WASHC2A: variants seen among roughly 807,000 people sequenced by gnomAD.
The protein encoded by WASHC2A is WASH complex subunit FAM21A.
In WASHC2A, 82 loss-of-function variants were observed where a neutral mutation model predicts 140.3. The ratio of observed to expected loss-of-function variants is 0.58; its 90% CI spans 0.49 to 0.70. The LOEUF (loss-of-function observed/expected upper bound fraction) is 0.70. Ranked by LOEUF, WASHC2A falls within the 30% of genes least tolerant of loss-of-function variation. The probability of loss-of-function intolerance (pLI) is 0.00; values close to 1 mark genes in which losing one functional copy is unlikely to be tolerated. For synonymous variants in WASHC2A, 340 were observed against 560.8 expected (o/e 0.61, Z 5.56); for missense variants, 985 against 1,521.8 (o/e 0.65, Z 5.87).
chr10:50,126,465 A>T (rs1843439363), intron 26 of WASHC2A: 1 of 264,274 alleles, frequency 3.8e-6, no homozygotes, highest in Admixed American at 4.9e-5. Flanking sequence ...TCTTCCCACT[A>T]AAGAATTTAT....
At position 50,133,119 on chromosome 10, in the gene WASHC2A, A is replaced by G; in HGVS notation, c.*174A>G. ...CACTGGTTTAATCATGCTTAATACT[A>G]CAAAACAAAAATAAATATTTCACAG... On this transcript the variant is annotated 3_prime_UTR_variant, in exon 31 of 31. Coordinates refer to ENST00000282633, the MANE Select transcript of WASHC2A (RefSeq NM_001005751.3). 9.3e-7 allele frequency: 1 copy of G among 1,075,870 alleles called. No individual in the cohort carries two copies. The highest frequency in any genetic ancestry group is 1.3e-6 in the Non-Finnish European group (1 of 751,054). 66.6% of individuals were successfully genotyped at this position (1,075,870 alleles called of 1,614,324 possible).
chr10:50,104,328 C>G (rs1841534163), intron 18 of WASHC2A, among the ~76,000 whole-genome samples, 185 bp downstream of exon 18: 1 of 149,094 alleles, frequency 6.7e-6, no homozygotes, highest in South Asian at 2.1e-4. Flanking sequence ...ATTTTCCTAG[C>G]TGTGCAATGG....
intron 23 of WASHC2A, among the ~76,000 whole-genome samples, chr10:50,121,395 C>CT (rs879039985): frequency 3.9e-4 from 52 of 132,532 alleles, no homozygotes; most frequent in East Asian, 6.7e-4. Flanking sequence ...TAGTAACTTT[C>CT]TTTTTTTTTT....
At chr10:50,089,785 G>C (rs1441295136) in intron 8 of WASHC2A, among the ~76,000 whole-genome samples, 37 of 152,072 alleles carry the variant, frequency 2.4e-4, no homozygotes, top group African/African-American at 8.0e-4. Flanking sequence ...TGCTGATGAT[G>C]TTTATATTTC....
chr10:50,126,716 C>T (rs1370424244), intron 26 of WASHC2A, among the ~76,000 whole-genome samples: 4 of 151,608 alleles, frequency 2.6e-5, no homozygotes, highest in Non-Finnish European at 5.9e-5. Flanking sequence ...TGTCCTGAGC[C>T]GTAAACCTGA....
intron 3 of WASHC2A, among the ~76,000 whole-genome samples, chr10:50,072,519 C>T (rs1438063483): frequency 2.6e-5 from 3 of 116,376 alleles, no homozygotes; most frequent in East Asian, 6.0e-4. Flanking sequence ...CGGAGTCTCA[C>T]TCTGTCGCCC....
chr10:50,073,560 C>T (rs1554876911), intron 3 of WASHC2A, among the ~76,000 whole-genome samples: 1 of 116,302 alleles, frequency 8.6e-6, no homozygotes, highest in Non-Finnish European at 1.8e-5. Flanking sequence ...GTCAAGTACT[C>T]AGCAATTAGA....
chr10:50,102,782 T>G (rs1841338921), intron 17 of WASHC2A, among the ~76,000 whole-genome samples: 1 of 150,746 alleles, frequency 6.6e-6, no homozygotes, highest in African/African-American at 2.5e-5. Context: ...ATTTTATGTT[T>G]CTACTTCATG....
In WASHC2A at chr10:50,088,324, G is replaced by GGTGTGATCTCAGCTCA. The variant is rs1361158737; in HGVS notation, c.732+1003_732+1018dup. On this transcript the variant is annotated intron_variant, in intron 8 of 30. Transcript: ENST00000282633. ...TCTGTTGCCTAGGCTGGAGTGCAGT[G>GGTGTGATCTCAGCTCA]GTGTGATCTCAGCTCAATGTAATCT... Among the ~76,000 whole-genome samples the GGTGTGATCTCAGCTCA allele has an allele frequency of 8.0e-4, 117 of 145,396 alleles. 4 individuals carry two copies. The East Asian group carries it at 0.022, about 27-fold the overall frequency.
chr10:50,099,816 T>C (rs1840894470), intron 16 of WASHC2A, among the ~76,000 whole-genome samples, 162 bp from the exon 17 acceptor site: 1 of 141,366 alleles, frequency 7.1e-6, no homozygotes, highest in African/African-American at 2.7e-5. Flanking sequence ...TGTCTTGCTG[T>C]TCTCTTAACA....
intron 19 of WASHC2A, among the ~76,000 whole-genome samples, chr10:50,108,889 GAAAAAAAAAAAAAAAAAA>G (rs1182148936): frequency 5.3e-5 from 4 of 75,648 alleles, no homozygotes; most frequent in Non-Finnish European, 9.6e-5. Flanking sequence ...CTCGAAAAAG[GAAAAAAAAAAAAAAAAAA>G]AAAAAGAAGA....
At chr10:50,104,636 T>C (rs1232232967) in intron 18 of WASHC2A, among the ~76,000 whole-genome samples, 2 of 152,116 alleles carry the variant, frequency 1.3e-5, no homozygotes, top group Non-Finnish European at 2.9e-5. Flanking sequence ...GGATTACAGG[T>C]GTGAGCCACC....
intron 3 of WASHC2A, among the ~76,000 whole-genome samples, chr10:50,071,001 C>T (rs1455209220): frequency 9.9e-6 from 1 of 101,214 alleles, no homozygotes; most frequent in Non-Finnish European, 2.2e-5. Context: ...CATTGTACTC[C>T]AGCCTGGGCA....
chr10:50,074,307 A>C (rs1169214125), intron 3 of WASHC2A, among the ~76,000 whole-genome samples: 4 of 135,830 alleles, frequency 2.9e-5, no homozygotes, highest in African/African-American at 7.8e-5. Flanking sequence ...AGTCCTGCTC[A>C]CCCTGAAAAG....
At chr10:50,099,007 G>A (rs1440907664) in intron 16 of WASHC2A, among the ~76,000 whole-genome samples, 1 of 152,044 alleles carries the variant, frequency 6.6e-6, no homozygotes, top group African/African-American at 2.4e-5. Flanking sequence ...TCTCTAAAGC[G>A]ATAGTTGAAC....
intron 14 of WASHC2A, 140 bp from the exon 15 acceptor site, chr10:50,095,459 G>C: frequency 7.1e-7 from 1 of 1,409,402 alleles, no homozygotes; most frequent in Non-Finnish European, 9.7e-7. Flanking sequence ...AGCAGTAATG[G>C]ATGGAGGCTA....
At chr10:50,087,055 A>G (rs1341258879) in intron 7 of WASHC2A, among the ~76,000 whole-genome samples, 1 of 146,076 alleles carries the variant, frequency 6.8e-6, no homozygotes, top group Non-Finnish European at 1.5e-5. Flanking sequence ...CACAAAAATT[A>G]CATGTTAACT....
At chr10:50,125,654 A>C (rs1843361446) in intron 25 of WASHC2A, among the ~76,000 whole-genome samples, 1 of 152,206 alleles carries the variant, frequency 6.6e-6, no homozygotes, top group African/African-American at 2.4e-5. Context: ...TCCCTATACT[A>C]ACATTAAAAC....
intron 28 of WASHC2A, among the ~76,000 whole-genome samples, chr10:50,129,028 T>A (rs1384989304): frequency 1.3e-5 from 2 of 152,126 alleles, no homozygotes; most frequent in African/African-American, 4.8e-5. Flanking sequence ...TCCCCGATTC[T>A]TTCTTGTTTT....
Sources: gnomAD v4.1 joint callset for allele counts (sites outside exome capture counted in the v4.1 genomes callset) on GRCh38, gnomAD v4.1.1 for gene constraint, MANE v1.5 for transcripts, NCBI Gene and HGNC (gene_info 2026-07-23, HGNC 2026-07-21) for gene names.